CAMK1D: variants seen among roughly 807,000 people sequenced by gnomAD.
CAMK1D encodes calcium/calmodulin-dependent protein kinase type 1D.
Under a neutral mutation model 47.7 loss-of-function variants are expected in CAMK1D, and 9 were observed. That is an observed-to-expected ratio of 0.19 (90% CI 0.11 to 0.33). The LOEUF (loss-of-function observed/expected upper bound fraction) is 0.33, where lower values mean the gene tolerates loss of function less well. Ranked by LOEUF, CAMK1D falls within the 10% of genes least tolerant of loss-of-function variation. The pLI is 1.00. For synonymous variants in CAMK1D, 184 were observed against 184.9 expected, an observed-to-expected ratio of 0.99 and a Z score of 0.04; for missense variants, 291 against 488.7, an observed-to-expected ratio of 0.60 and a Z score of 3.81.
intron 3 of CAMK1D, among the ~76,000 whole-genome samples, chr10:12,740,714 G>A (rs1835390503): frequency 6.6e-6 from 1 of 152,230 alleles, no homozygotes; most frequent in Admixed American, 6.5e-5. Context: ...AGCCGAGGCA[G>A]TTCAAGATTT....
At chr10:12,363,069 T>C (rs1426653705) in intron 1 of CAMK1D, among the ~76,000 whole-genome samples, 1 of 151,742 alleles carries the variant, frequency 6.6e-6, no homozygotes, top group Non-Finnish European at 1.5e-5. Flanking sequence ...GCCTACCAAG[T>C]AGCTGTGACT....
At chr10:12,808,733 G>C (rs992536050) in intron 6 of CAMK1D, among the ~76,000 whole-genome samples, 1 of 152,036 alleles carries the variant, frequency 6.6e-6, no homozygotes, top group Non-Finnish European at 1.5e-5. Context: ...AGCCAAGGTC[G>C]CGCTACTGCA....
intron 4 of CAMK1D, among the ~76,000 whole-genome samples, chr10:12,762,131 C>T (rs1372560527): frequency 2.0e-5 from 3 of 152,110 alleles, no homozygotes; most frequent in Non-Finnish European, 4.4e-5. Context: ...ACTTGAGAAA[C>T]AGTAGAAAGC....
chr10:12,542,057 C>T (rs57745611), intron 1 of CAMK1D, among the ~76,000 whole-genome samples: 10,321 of 151,778 alleles, frequency 0.068, 972 homozygotes, highest in African/African-American at 0.2. Context: ...GAATTTTTTT[C>T]TGGTAGAGAT....
chr10:12,362,734 T>TCTC (rs1470836571), intron 1 of CAMK1D, among the ~76,000 whole-genome samples: 1 of 152,184 alleles, frequency 6.6e-6, no homozygotes, highest in Non-Finnish European at 1.5e-5. Context: ...ATAGTCGCGA[T>TCTC]CTCCTGACCT....
chr10:12,677,659 G>A (rs1188210817), intron 3 of CAMK1D, among the ~76,000 whole-genome samples: 1 of 152,154 alleles, frequency 6.6e-6, no homozygotes, highest in East Asian at 1.9e-4. Context: ...CACTAGAAGG[G>A]TTAGGGAGCC....
rs1554778998 is a variant in CAMK1D, at chr10:12,504,108, G to GGTGTGT, written c.93-49102_93-49097dup. On this transcript the variant is annotated intron_variant, in intron 1 of 10. Transcript: ENST00000619168. ...AAACATAAACGGAACCAATAAGATGGGTGTGTGTGTGTGTGTGTGTCTGTG... is the reference window on the plus strand; with the variant it reads ...AAACATAAACGGAACCAATAAGATGGGTGTGTGTGTGTGTGTGTGTGTGTGTCTGTG... Among the ~76,000 whole-genome samples the GGTGTGT allele has an allele frequency of 8.0e-3, 1,178 of 147,730 alleles. 21 individuals carry two copies. The highest frequency in any genetic ancestry group is 0.029 in the African/African-American group (1,131 of 39,544).
At chr10:12,428,755 A>G (rs1407926160) in intron 1 of CAMK1D, among the ~76,000 whole-genome samples, 1 of 152,116 alleles carries the variant, frequency 6.6e-6, no homozygotes, top group East Asian at 1.9e-4. Flanking sequence ...CTCACTCCCA[A>G]TGCGACGGTG....
intron 1 of CAMK1D, among the ~76,000 whole-genome samples, chr10:12,403,307 T>C (rs1235472992): frequency 6.6e-6 from 1 of 152,360 alleles, no homozygotes; most frequent in South Asian, 2.1e-4. Context: ...GCAGAATGGC[T>C]TAGAACACCG....
intron 2 of CAMK1D, among the ~76,000 whole-genome samples, chr10:12,618,768 G>A (rs1838900968): frequency 1.3e-5 from 2 of 152,280 alleles, no homozygotes; most frequent in Non-Finnish European, 2.9e-5. Context: ...TAGGAAGAAG[G>A]CAACAAAAAG....
intron 6 of CAMK1D, among the ~76,000 whole-genome samples, chr10:12,798,936 C>T (rs1018022629): frequency 2.0e-5 from 3 of 152,060 alleles, no homozygotes; most frequent in Non-Finnish European, 2.9e-5. Flanking sequence ...AGGAGCAGGG[C>T]ATAGATGGTG....
At chr10:12,437,177 T>C (rs960894551) in intron 1 of CAMK1D, among the ~76,000 whole-genome samples, 2 of 145,200 alleles carry the variant, frequency 1.4e-5, no homozygotes, top group Non-Finnish European at 1.5e-5. Context: ...TCTGTCCATC[T>C]GTCTGTCTGT....
chr10:12,460,088 C>T lies in CAMK1D; in HGVS notation c.93-93137C>T, dbSNP rs527849324. The stretch of plus-strand genomic sequence containing the variant: ...AAACACCAGAAATCGGCTTTGTTTT[C>T]AGGGTGAAAAAAATGCAAAGTCATA... On this transcript the variant is annotated intron_variant, in intron 1 of 10. Coordinates refer to ENST00000619168, the MANE Select transcript of CAMK1D (RefSeq NM_153498.4). Among the ~76,000 whole-genome samples the T allele has an allele frequency of 5.3e-5, 8 of 152,072 alleles. No homozygotes were observed. The South Asian group carries it at 1.7e-3, about 32-fold the overall frequency.
intron 3 of CAMK1D, among the ~76,000 whole-genome samples, chr10:12,749,094 C>T (rs1040977593): frequency 6.6e-6 from 1 of 152,208 alleles, no homozygotes; most frequent in Non-Finnish European, 1.5e-5. Flanking sequence ...CCATGCTCCA[C>T]ACCTTGACTG....
At chr10:12,382,718 G>C (rs961580119) in intron 1 of CAMK1D, among the ~76,000 whole-genome samples, 2 of 152,042 alleles carry the variant, frequency 1.3e-5, no homozygotes, top group Non-Finnish European at 1.5e-5. Flanking sequence ...TGAGCTACTC[G>C]GGAGACTGAG....
intron 3 of CAMK1D, among the ~76,000 whole-genome samples, chr10:12,690,221 G>A (rs1156481678): frequency 6.6e-6 from 1 of 152,190 alleles, no homozygotes; most frequent in Non-Finnish European, 1.5e-5. Flanking sequence ...CATTTATGGA[G>A]TACTTCCTGT....
chr10:12,733,478 T>A (rs1834988601), intron 3 of CAMK1D, among the ~76,000 whole-genome samples: 1 of 152,222 alleles, frequency 6.6e-6, no homozygotes, highest in Non-Finnish European at 1.5e-5. Context: ...CTTCCTGGCA[T>A]AGAGTGGCTT....
At chr10:12,759,894 T>C (rs1224477822) in intron 3 of CAMK1D, among the ~76,000 whole-genome samples, 1 of 152,256 alleles carries the variant, frequency 6.6e-6, no homozygotes, top group Admixed American at 6.5e-5. Context: ...TGTGTTACCG[T>C]AGGGCTTGTC....
At chr10:12,432,827 C>T (rs1832526632) in intron 1 of CAMK1D, among the ~76,000 whole-genome samples, 1 of 152,232 alleles carries the variant, frequency 6.6e-6, no homozygotes, top group South Asian at 2.1e-4. Context: ...CTGGTCTGTG[C>T]TGGACACTCT....
Sources: gnomAD v4.1 joint callset for allele counts (sites outside exome capture counted in the v4.1 genomes callset) on GRCh38, gnomAD v4.1.1 for gene constraint, MANE v1.5 for transcripts, NCBI Gene and HGNC (gene_info 2026-07-23, HGNC 2026-07-21) for gene names.